DNM3: variants seen among roughly 807,000 people sequenced by gnomAD.
The protein encoded by DNM3 is dynamin-3.
In DNM3, 47 loss-of-function variants were observed where a neutral mutation model predicts 101.6. The observed-to-expected ratio is 0.46, with a 90% CI of 0.37 to 0.59. DNM3 has a LOEUF of 0.59. Ranked by LOEUF, DNM3 falls within the 20% of genes least tolerant of loss-of-function variation. The pLI is 0.00. For synonymous variants in DNM3, 385 were observed against 387.9 expected (o/e 0.99, Z 0.09); for missense variants, 849 against 1,085.7 (o/e 0.78, Z 3.06).
chr1:172,313,793 T>TTTAC (rs1172709134), intron 16 of DNM3, among the ~76,000 whole-genome samples: 15 of 143,032 alleles, frequency 1.0e-4, no homozygotes, highest in African/African-American at 3.4e-4. Flanking sequence ...TATTTATTTA[T>TTTAC]TTACTTACTT....
intron 13 of DNM3, among the ~76,000 whole-genome samples, chr1:172,111,381 A>G (rs1187201906): frequency 6.6e-6 from 1 of 152,246 alleles, no homozygotes; most frequent in East Asian, 1.9e-4. Context: ...ATTCCAAAGG[A>G]GTATAAAGCA....
At chr1:172,101,569 T>C (rs957846204) in intron 13 of DNM3, among the ~76,000 whole-genome samples, 2 of 152,200 alleles carry the variant, frequency 1.3e-5, no homozygotes, top group Non-Finnish European at 2.9e-5. Flanking sequence ...TGTTGGGTGT[T>C]TTACACACAT....
chr1:171,913,969 T>G (rs900674171), intron 1 of DNM3, among the ~76,000 whole-genome samples: 12 of 151,272 alleles, frequency 7.9e-5, no homozygotes, highest in Admixed American at 7.2e-4. Flanking sequence ...TTACATTTTT[T>G]GTAGAGAAGG....
chr1:172,190,083 C>CAACATATACAACAT (rs1355820857), intron 14 of DNM3, among the ~76,000 whole-genome samples: 1 of 148,734 alleles, frequency 6.7e-6, no homozygotes, highest in East Asian at 2.0e-4. Context: ...CATATGTATA[C>CAACATATACAACAT]ATGTCCCATG....
chr1:172,293,005 A>T (rs143683562), intron 15 of DNM3, among the ~76,000 whole-genome samples: 16 of 152,320 alleles, frequency 1.1e-4, no homozygotes, highest in Middle Eastern at 3.4e-3. Flanking sequence ...TGTCCTCCTC[A>T]TGTAATACAT....
chr1:172,163,064 T>C (rs2058602344), intron 14 of DNM3, among the ~76,000 whole-genome samples: 1 of 151,992 alleles, frequency 6.6e-6, no homozygotes, highest in South Asian at 2.1e-4. Context: ...TATATCTATT[T>C]AAGGTGTACA....
chr1:172,197,618 C>A (rs1278860210), intron 14 of DNM3, among the ~76,000 whole-genome samples: 1 of 151,544 alleles, frequency 6.6e-6, no homozygotes, highest in Non-Finnish European at 1.5e-5. Flanking sequence ...TTATAGATAT[C>A]TTTCACCTCC....
intron 4 of DNM3, among the ~76,000 whole-genome samples, chr1:171,996,394 G>T (rs533259038): frequency 2.0e-4 from 30 of 152,076 alleles, no homozygotes; most frequent in Non-Finnish European, 3.7e-4. Context: ...GTTGGTATGG[G>T]TGAGATCCTA....
intron 1 of DNM3, among the ~76,000 whole-genome samples, chr1:171,876,558 T>C (rs968462614): frequency 1.3e-5 from 2 of 152,192 alleles, no homozygotes; most frequent in Non-Finnish European, 2.9e-5. Context: ...TGTGGCTTTG[T>C]ATTTATTCCT....
At chr1:172,164,832 A>G (rs2148311663) in intron 14 of DNM3, among the ~76,000 whole-genome samples, 1 of 152,154 alleles carries the variant, frequency 6.6e-6, no homozygotes, top group African/African-American at 2.4e-5. Flanking sequence ...GTGGTTTTAA[A>G]GGACCCTTTT....
At chr1:172,084,085 G>T (rs542624696) in intron 12 of DNM3, among the ~76,000 whole-genome samples, 1 of 152,246 alleles carries the variant, frequency 6.6e-6, no homozygotes, top group Non-Finnish European at 1.5e-5. Context: ...CAACAATCCA[G>T]GTTGTTTTTC....
At chr1:172,024,906 GT>G (rs1228076929) in intron 4 of DNM3, among the ~76,000 whole-genome samples, 1 of 152,030 alleles carries the variant, frequency 6.6e-6, no homozygotes, top group Non-Finnish European at 1.5e-5. Context: ...AGCTGCAGCA[GT>G]TTTTTTTCAT....
In DNM3 at chr1:172,387,202, G is replaced by C. The variant is rs774265759; in HGVS notation, c.2128G>C (p.Glu710Gln). ...TTCAGAGGACCAAAATACCCTGATG[G>C]AGGAATCTGCTGAGCAGGCTCAGCG... ...YSSEDQNTLMEESAEQAQRRD... is the reference protein window; with the variant it reads ...YSSEDQNTLMQESAEQAQRRD... Residue 710 changes from glutamate (E) to glutamine (Q), a missense_variant, in exon 19 of 21, where the codon GAG (glutamate) becomes CAG (glutamine). Glu to Gln is a conservative substitution (Grantham distance 29, BLOSUM62 2). This residue lies in a region of DNM3 where 256 missense variants were observed against 311.7 expected (regional missense o/e 0.82). Transcript: ENST00000627582. The C allele has an allele frequency of 1.2e-6, 2 of 1,613,858 alleles. No individual in the cohort carries two copies. The highest frequency in any genetic ancestry group is 2.2e-5 in the East Asian group (1 of 44,888).
intron 4 of DNM3, among the ~76,000 whole-genome samples, chr1:172,020,829 A>C (rs2047802589): frequency 6.6e-6 from 1 of 150,786 alleles, no homozygotes; most frequent in Non-Finnish European, 1.5e-5. Flanking sequence ...TCTTTAATTT[A>C]CTGCGAGAAT....
chr1:171,842,184 C>A (rs1284628389), intron 1 of DNM3, among the ~76,000 whole-genome samples: 2 of 152,124 alleles, frequency 1.3e-5, no homozygotes, highest in South Asian at 2.1e-4. Context: ...CGTAGCGCGC[C>A]GAAAGCTTCC....
At chr1:172,302,959 A>G (rs1408571704) in intron 15 of DNM3, among the ~76,000 whole-genome samples, 1 of 152,212 alleles carries the variant, frequency 6.6e-6, no homozygotes, top group African/African-American at 2.4e-5. Flanking sequence ...TCTAAAAACC[A>G]GAGCACTTTT....
At chr1:172,243,099 C>T (rs1284509978) in intron 14 of DNM3, among the ~76,000 whole-genome samples, 1 of 151,964 alleles carries the variant, frequency 6.6e-6, no homozygotes, top group African/African-American at 2.4e-5. Context: ...GATCGATCTG[C>T]CATCTTTAGT....
intron 1 of DNM3, among the ~76,000 whole-genome samples, chr1:171,852,762 A>T (rs992977735): frequency 6.6e-6 from 1 of 152,208 alleles, no homozygotes; most frequent in Non-Finnish European, 1.5e-5. Context: ...AATGGAATGG[A>T]TTGCCTGTGA....
chr1:171,890,453 G>A (rs922806537), intron 1 of DNM3, among the ~76,000 whole-genome samples: 1 of 152,116 alleles, frequency 6.6e-6, no homozygotes, highest in Non-Finnish European at 1.5e-5. Flanking sequence ...TGACTTCCTT[G>A]TGTAAAACTG....
Sources: gnomAD v4.1 joint callset for allele counts (sites outside exome capture counted in the v4.1 genomes callset) on GRCh38, gnomAD v4.1.1 for gene constraint, gnomAD v4.1.1 regional missense constraint, MANE v1.5 for transcripts, NCBI Gene and HGNC (gene_info 2026-07-23, HGNC 2026-07-21) for gene names.